ARHGAP10: variants seen among roughly 807,000 people sequenced by gnomAD.
ARHGAP10 encodes rho GTPase-activating protein 10.
ARHGAP10 carries 87 observed loss-of-function variants against 108.6 expected under a neutral mutation model. That is an observed-to-expected ratio of 0.80 (90% CI 0.67 to 0.96). ARHGAP10 has a LOEUF of 0.96. Among genes scored for constraint, ARHGAP10 ranks in the 40% least tolerant of loss-of-function variants. The probability of loss-of-function intolerance (pLI) is 0.00; values close to 1 mark genes in which losing one functional copy is unlikely to be tolerated. For missense variants in ARHGAP10, 939 were observed against 954.5 expected, an observed-to-expected ratio of 0.98 and a Z score of 0.21; for synonymous variants, 347 against 341.1, an observed-to-expected ratio of 1.02 and a Z score of -0.19.
At chr4:148,010,162 A>G (rs1312231988) in intron 18 of ARHGAP10, among the ~76,000 whole-genome samples, 1 of 152,114 alleles carries the variant, frequency 6.6e-6, no homozygotes, top group Admixed American at 6.5e-5. Context: ...TGAATGAAGT[A>G]GGTGAGGAAT....
At chr4:147,943,277 A>G (rs1367295791) in intron 14 of ARHGAP10, among the ~76,000 whole-genome samples, 1 of 152,228 alleles carries the variant, frequency 6.6e-6, no homozygotes, top group East Asian at 1.9e-4. Flanking sequence ...GAAGGGCTGG[A>G]TGACCTTATT....
intron 15 of ARHGAP10, among the ~76,000 whole-genome samples, chr4:147,948,934 C>T (rs1394650149): frequency 2.0e-5 from 3 of 150,926 alleles, no homozygotes; most frequent in Non-Finnish European, 4.4e-5. Context: ...CCACTGCACT[C>T]CAGCCTAGGA....
chr4:148,032,788 G>A (rs539634249), intron 19 of ARHGAP10, among the ~76,000 whole-genome samples: 22 of 152,102 alleles, frequency 1.4e-4, no homozygotes, highest in African/African-American at 5.1e-4. Context: ...CCAAAAGCCC[G>A]AAAGCCCACT....
chr4:148,013,556 C>T (rs549925769), intron 18 of ARHGAP10, among the ~76,000 whole-genome samples: 11 of 152,076 alleles, frequency 7.2e-5, no homozygotes, highest in South Asian at 2.1e-4. Flanking sequence ...GGCATGGTGG[C>T]GGGCGCCTGT....
At chr4:148,032,841 A>G (rs1728214143) in intron 19 of ARHGAP10, among the ~76,000 whole-genome samples, 1 of 152,162 alleles carries the variant, frequency 6.6e-6, no homozygotes, top group African/African-American at 2.4e-5. Context: ...TTGGACTCTC[A>G]TGTTCGAGGG....
rs1392385397 is a variant in ARHGAP10 at position 147,879,254 on chromosome 4, T to C, written c.855T>C (p.Ser285=). Residue 285 remains serine, a synonymous_variant, in exon 9 of 23, where the codon AGT becomes AGC. Transcript: ENST00000336498. Reference sequence around the variant, plus strand: ...AAGGGCCTGCTCCGTTTGGTTCCAGTTGGGTCAAACACTATTGCATGTATC... The same window carrying C: ...AAGGGCCTGCTCCGTTTGGTTCCAGCTGGGTCAAACACTATTGCATGTATC... ...QEKRPAPFGS[S]WVKHYCMYRK... 1 of 1,613,576 alleles carries C rather than the reference T, an allele frequency of 6.2e-7. No homozygotes were observed. Among genetic ancestry groups the C allele is most frequent in the Non-Finnish European group, 8.5e-7 (1 of 1,179,874 alleles).
At chr4:148,050,520 C>T (rs1327692271) in intron 20 of ARHGAP10, among the ~76,000 whole-genome samples, 1 of 151,816 alleles carries the variant, frequency 6.6e-6, no homozygotes, top group African/African-American at 2.4e-5. Flanking sequence ...TCTACAGGCG[C>T]CCACCACCAC....
chr4:147,758,505 C>G (rs1458527472), intron 1 of ARHGAP10, among the ~76,000 whole-genome samples: 1 of 152,046 alleles, frequency 6.6e-6, no homozygotes, highest in Non-Finnish European at 1.5e-5. Flanking sequence ...CCCCTTTTGG[C>G]TAATACTTTT....
At chr4:147,948,976 AAAC>A (rs1738492512) in intron 15 of ARHGAP10, among the ~76,000 whole-genome samples, 2 of 151,124 alleles carry the variant, frequency 1.3e-5, no homozygotes, top group African/African-American at 4.9e-5. Flanking sequence ...AAAAAAAAAA[AAAC>A]AAAAAAACCC....
In ARHGAP10 at chr4:147,833,290, G is replaced by A. The variant is rs537560056; in HGVS notation, c.312+10333G>A. 3.3e-4 allele frequency among the ~76,000 whole-genome samples: 50 copies of A among 152,274 alleles called. 1 individual carries two copies. The highest frequency in any genetic ancestry group is 1.0e-3 in the African/African-American group (42 of 41,558). On this transcript the variant is annotated intron_variant, in intron 3 of 22. Coordinates refer to ENST00000336498, the MANE Select transcript of ARHGAP10 (RefSeq NM_024605.4). ...GGCCAGTTTTCCCCATGCTGTTCTT[G>A]TTATAGTGAGGGAGTTCTCACGAGA... is the stretch of plus-strand genomic sequence containing the variant.
chr4:148,004,203 T>G (rs1436060566), intron 18 of ARHGAP10, among the ~76,000 whole-genome samples: 1 of 152,170 alleles, frequency 6.6e-6, no homozygotes, highest in Non-Finnish European at 1.5e-5. Context: ...AATAAAAAAT[T>G]GACTTAAGCT....
In ARHGAP10 at chr4:148,030,257, T is replaced by C. The variant is rs553095259; in HGVS notation, c.1867+6844T>C. On this transcript the variant is annotated intron_variant, in intron 19 of 22. Coordinates refer to ENST00000336498, the MANE Select transcript of ARHGAP10 (RefSeq NM_024605.4). ...TTCTCTCCCTGTGGAGTGGGTTTTT[T>C]CTCCACTTCTAATAGCTTTTATTTT... 7.2e-5 allele frequency among the ~76,000 whole-genome samples: 11 copies of C among 152,312 alleles called. No individual in the cohort carries two copies. In the South Asian group the frequency reaches 1.5e-3, roughly 20 times the overall value.
chr4:147,809,648 T>C (rs138463402), intron 1 of ARHGAP10, among the ~76,000 whole-genome samples: 154 of 152,298 alleles, frequency 1.0e-3, no homozygotes, highest in African/African-American at 3.2e-3. Flanking sequence ...TGCACTATAC[T>C]GTACACCAGC....
intron 16 of ARHGAP10, among the ~76,000 whole-genome samples, chr4:147,958,801 A>G (rs1031387807): frequency 6.6e-6 from 1 of 152,200 alleles, no homozygotes; most frequent in East Asian, 1.9e-4. Context: ...TTTAGCATTT[A>G]TCTGCCTCTG....
intron 1 of ARHGAP10, among the ~76,000 whole-genome samples, chr4:147,756,490 G>A (rs183413222): frequency 4.2e-4 from 64 of 152,272 alleles, no homozygotes; most frequent in Non-Finnish European, 7.1e-4. Context: ...CCCCTTATCC[G>A]TGGTTTCAGT....
intron 1 of ARHGAP10, among the ~76,000 whole-genome samples, chr4:147,814,356 A>G (rs1344544730): frequency 6.6e-6 from 1 of 152,106 alleles, no homozygotes; most frequent in Non-Finnish European, 1.5e-5. Context: ...ATTTGAGAGA[A>G]ATGAGGGAGT....
rs374732046 is a variant in ARHGAP10 at position 147,969,742 on chromosome 4, C to T, written c.1716+2903C>T. Among the ~76,000 whole-genome samples the T allele has an allele frequency of 5.9e-5, 9 of 152,286 alleles. No individual in the cohort carries two copies. In the East Asian group the frequency reaches 7.7e-4, roughly 13 times the overall value. On this transcript the variant is annotated intron_variant, in intron 18 of 22. Coordinates refer to ENST00000336498, the MANE Select transcript of ARHGAP10 (RefSeq NM_024605.4). ...TCTTACAGGAATTTTCCAGTAGCGT[C>T]GGCAAGCCTGTTACAATAGTTACAG... is the stretch of plus-strand genomic sequence containing the variant.
chr4:147,781,373 A>G (rs575842043), intron 1 of ARHGAP10, among the ~76,000 whole-genome samples: 16 of 152,088 alleles, frequency 1.1e-4, no homozygotes, highest in South Asian at 2.1e-4. Flanking sequence ...ATGATTTCAT[A>G]TTTACATTGG....
intron 4 of ARHGAP10, among the ~76,000 whole-genome samples, chr4:147,851,916 G>A (rs1327390313): frequency 6.6e-6 from 1 of 152,158 alleles, no homozygotes; most frequent in Non-Finnish European, 1.5e-5. Flanking sequence ...TTCCTGGTTT[G>A]AATCCTCTTT....
Sources: allele counts gnomAD v4.1 joint callset (sites outside exome capture counted in the v4.1 genomes callset), GRCh38; gene constraint gnomAD v4.1.1; transcripts MANE v1.5; gene names NCBI Gene and HGNC (gene_info 2026-07-23, HGNC 2026-07-21).